SMG6: variants seen among roughly 807,000 people sequenced by gnomAD.
The protein encoded by SMG6 is telomerase-binding protein EST1A.
A neutral mutation model predicts 142.2 loss-of-function variants in SMG6; 66 were observed. The observed-to-expected ratio is 0.46, with a 90% CI of 0.38 to 0.57. SMG6 has a LOEUF of 0.57. SMG6 is among the 20% of genes least tolerant of loss of function. The probability of loss-of-function intolerance (pLI) is 0.00; values close to 1 mark genes in which losing one functional copy is unlikely to be tolerated. For synonymous variants in SMG6, 779 were observed against 702.4 expected (o/e 1.11, Z -1.72); for missense variants, 1,793 against 1,832.0 (o/e 0.98, Z 0.39).
At chr17:2,218,644 G>C (rs1216048568) in intron 10 of SMG6, among the ~76,000 whole-genome samples, 1 of 152,190 alleles carries the variant, frequency 6.6e-6, no homozygotes, top group Non-Finnish European at 1.5e-5. Flanking sequence ...AACCTTCCAA[G>C]CTTGAGCTAC....
At chr17:2,185,864 C>T (rs1467145810) in intron 12 of SMG6, among the ~76,000 whole-genome samples, 1 of 152,094 alleles carries the variant, frequency 6.6e-6, no homozygotes, top group Non-Finnish European at 1.5e-5. Context: ...CATTCAGCCT[C>T]CCCACACGCT....
chr17:2,270,899 A>C (rs2151356795), intron 8 of SMG6, among the ~76,000 whole-genome samples: 1 of 152,352 alleles, frequency 6.6e-6, no homozygotes, highest in East Asian at 1.9e-4. Context: ...CAGATGCCTA[A>C]CATTTCTTGA....
intron 8 of SMG6, among the ~76,000 whole-genome samples, chr17:2,268,183 C>T (rs1331711124): frequency 6.6e-6 from 1 of 152,160 alleles, no homozygotes; most frequent in East Asian, 1.9e-4. Context: ...GGATTATAGG[C>T]ATGTGCTACT....
intron 10 of SMG6, among the ~76,000 whole-genome samples, chr17:2,223,791 T>C (rs926022992): frequency 3.3e-5 from 5 of 152,176 alleles, no homozygotes; most frequent in African/African-American, 9.7e-5. Context: ...ATGACACCAT[T>C]TGCCATAAGA....
rs1206145223 is a variant in SMG6 at position 2,236,177 on chromosome 17, G to A, written c.2869+315C>T. The A allele has an allele frequency of 9.8e-6, 2 of 203,180 alleles. 1 individual carries two copies. Among genetic ancestry groups the A allele is most frequent in the Non-Finnish European group, 2.0e-5 (2 of 100,312 alleles). 12.6% of individuals were successfully genotyped at this position (203,180 alleles called of 1,614,324 possible). On this transcript the variant is annotated intron_variant, in intron 10 of 18. Coordinates refer to ENST00000263073, the MANE Select transcript of SMG6 (RefSeq NM_017575.5). ...CAGCAATGCCTCTCCCTTGGGAGAGGCTCTGGGTCTGCAGCCTTCAAGAGG... is the reference window on the plus strand; with the variant it reads ...CAGCAATGCCTCTCCCTTGGGAGAGACTCTGGGTCTGCAGCCTTCAAGAGG...
At chr17:2,144,015 G>A (rs895622308) in intron 13 of SMG6, among the ~76,000 whole-genome samples, 1 of 144,294 alleles carries the variant, frequency 6.9e-6, no homozygotes, top group African/African-American at 2.6e-5. Context: ...AGCCTCCCAA[G>A]TACTGGGACT....
At chr17:2,235,384 C>G (rs1214650585) in intron 10 of SMG6, among the ~76,000 whole-genome samples, 3 of 152,170 alleles carry the variant, frequency 2.0e-5, no homozygotes, top group African/African-American at 7.2e-5. Flanking sequence ...CCAGAAAGAT[C>G]CGCATTTCCA....
chr17:2,237,380 A>AC (rs1691660949), intron 9 of SMG6: 1 of 415,338 alleles, frequency 2.4e-6, no homozygotes, highest in Admixed American at 6.4e-5. Flanking sequence ...AAGATATTTT[A>AC]CCCAAGCGTT....
At chr17:2,283,787 A>T in intron 6 of SMG6, 52 bp from the exon 7 acceptor site, 1 of 1,399,412 alleles carries the variant, frequency 7.1e-7, no homozygotes, top group Non-Finnish European at 1.0e-6. Flanking sequence ...TCCTAACTCC[A>T]GCAAGAGGCA....
Position 2,291,247 on chromosome 17 carries a change from C to T in SMG6, c.2337+1305G>A, listed in dbSNP as rs376850724. 2.1e-3 allele frequency among the ~76,000 whole-genome samples: 326 copies of T among 151,792 alleles called. 5 individuals carry two copies. The highest frequency in any genetic ancestry group is 7.1e-3 in the African/African-American group (293 of 41,354). On this transcript the variant is annotated intron_variant, in intron 6 of 18. Coordinates refer to ENST00000263073, the MANE Select transcript of SMG6 (RefSeq NM_017575.5). ...TCGGGAGGCTGAGGCAGGAGAATGGCGTGAACCCGGGAGGCGGAGCTTGCC... is the reference window on the plus strand; with the variant it reads ...TCGGGAGGCTGAGGCAGGAGAATGGTGTGAACCCGGGAGGCGGAGCTTGCC...
intron 10 of SMG6, among the ~76,000 whole-genome samples, chr17:2,199,158 T>C (rs1428405226): frequency 6.6e-6 from 1 of 152,014 alleles, no homozygotes; most frequent in Non-Finnish European, 1.5e-5. Flanking sequence ...AGTTAAAAAA[T>C]GTTCTTGCTT....
chr17:2,076,108 T>C (rs1225144786), intron 15 of SMG6, among the ~76,000 whole-genome samples: 2 of 152,160 alleles, frequency 1.3e-5, no homozygotes, highest in Non-Finnish European at 2.9e-5. Flanking sequence ...ACTTTATAGC[T>C]ATCCTGGGGG....
chr17:2,104,096 C>T (rs575356438), intron 13 of SMG6, among the ~76,000 whole-genome samples: 1 of 152,006 alleles, frequency 6.6e-6, no homozygotes, highest in African/African-American at 2.4e-5. Flanking sequence ...GGACTACAGG[C>T]GCCCACCACC....
At chr17:2,192,840 G>T (rs1316994446) in intron 10 of SMG6, among the ~76,000 whole-genome samples, 1 of 152,202 alleles carries the variant, frequency 6.6e-6, no homozygotes, top group Non-Finnish European at 1.5e-5. Flanking sequence ...GGAGGTAGAG[G>T]AAGCAGTCGC....
At chr17:2,131,399 G>A (rs1396639516) in intron 13 of SMG6, among the ~76,000 whole-genome samples, 2 of 151,870 alleles carry the variant, frequency 1.3e-5, no homozygotes, top group African/African-American at 4.8e-5. Flanking sequence ...GGGTTCAAGC[G>A]ATTCTCCTGC....
chr17:2,139,142 T>C (rs2070393768), intron 13 of SMG6, among the ~76,000 whole-genome samples: 1 of 152,096 alleles, frequency 6.6e-6, no homozygotes, highest in East Asian at 1.9e-4. Context: ...TGTTAAACCC[T>C]AAAAAAGGGA....
intron 13 of SMG6, among the ~76,000 whole-genome samples, chr17:2,094,500 A>T (rs984560475): frequency 1.3e-5 from 2 of 152,068 alleles, no homozygotes; most frequent in African/African-American, 4.8e-5. Context: ...CGGCCTCCCA[A>T]AGTGCTGGGA....
At chr17:2,295,489 C>T (rs985734610) in intron 4 of SMG6, among the ~76,000 whole-genome samples, 5 of 152,206 alleles carry the variant, frequency 3.3e-5, no homozygotes. Context: ...ACTGCTTTAT[C>T]TCTCTTCACT....
At chr17:2,081,311 T>G (rs1335342809) in intron 15 of SMG6, among the ~76,000 whole-genome samples, 1 of 152,100 alleles carries the variant, frequency 6.6e-6, no homozygotes, top group Non-Finnish European at 1.5e-5. Context: ...AAAGTCCCTG[T>G]GTGGAGATTA....
Sources: gnomAD v4.1 joint callset for allele counts (sites outside exome capture counted in the v4.1 genomes callset) on GRCh38, gnomAD v4.1.1 for gene constraint, MANE v1.5 for transcripts, NCBI Gene and HGNC (gene_info 2026-07-23, HGNC 2026-07-21) for gene names.